Variants in AHSA1 observed in about 807,000 individuals in gnomAD.
AHSA1 encodes the protein activator of 90 kDa heat shock protein ATPase homolog 1.
Under a neutral mutation model 46.1 loss-of-function variants are expected in AHSA1, and 14 were observed. The ratio of observed to expected loss-of-function variants is 0.30; its 90% CI spans 0.20 to 0.47. AHSA1 has a LOEUF of 0.47. AHSA1 is among the 20% of genes least tolerant of loss of function. AHSA1 has a pLI of 0.99. For missense variants in AHSA1, 333 were observed against 415.9 expected, an observed-to-expected ratio of 0.80 and a Z score of 1.73; for synonymous variants, 147 against 145.8, an observed-to-expected ratio of 1.01 and a Z score of -0.06.
intron 3 of AHSA1, 40 bp from the exon 4 acceptor site, chr14:77,462,602 C>G (rs950646802): frequency 6.3e-7 from 1 of 1,587,958 alleles, no homozygotes; most frequent in Non-Finnish European, 8.6e-7. Flanking sequence ...TGAGGGTGCC[C>G]CTCAAGTTAT....
At chr14:77,464,390 TAATC>T (rs2079039175) in intron 4 of AHSA1, among the ~76,000 whole-genome samples, 1 of 151,994 alleles carries the variant, frequency 6.6e-6, no homozygotes, top group Non-Finnish European at 1.5e-5. Context: ...AAAATAATAA[TAATC>T]CCAGTGAACA....
In AHSA1 at chr14:77,468,893, A is replaced by G. The variant is rs374685991; in HGVS notation, c.845-184A>G. On this transcript the variant is annotated intron_variant, in intron 8 of 8. Coordinates refer to ENST00000216479, the MANE Select transcript of AHSA1 (RefSeq NM_012111.3). ...CACCACGCCCACGTAATTTTAGTAG[A>G]GATGGAGTTTCACCATGTTAGCCAG... 0.011 allele frequency: 6,874 copies of G among 638,916 alleles called. 378 individuals carry two copies. The African/African-American group carries it at 0.11, about 11-fold the overall frequency. The allele number at this position is 638,916 out of a possible 1,614,324, so 39.6% of individuals were successfully genotyped here.
At chr14:77,462,385 T>C (rs2079029447) in intron 3 of AHSA1, 143 bp downstream of exon 3, 2 of 840,938 alleles carry the variant, frequency 2.4e-6, no homozygotes, top group Non-Finnish European at 1.9e-6. Context: ...TCTAGGCATA[T>C]GGTGCCATTG....
chr14:77,459,866 C>G (rs2079014128), intron 2 of AHSA1, 60 bp downstream of exon 2: 6 of 1,576,994 alleles, frequency 3.8e-6, no homozygotes, highest in Non-Finnish European at 5.2e-6. Flanking sequence ...TGTTAAGTAG[C>G]TGGAGAGAAC....
chr14:77,462,875 G>T, intron 4 of AHSA1, 116 bp downstream of exon 4: 2 of 840,056 alleles, frequency 2.4e-6, no homozygotes, highest in Non-Finnish European at 4.0e-6. Flanking sequence ...GGGGGAGGGG[G>T]CTTATTTCAT....
At chr14:77,464,420 C>T (rs2079039309) in intron 4 of AHSA1, among the ~76,000 whole-genome samples, 178 bp from the exon 5 acceptor site, 1 of 152,150 alleles carries the variant, frequency 6.6e-6, no homozygotes, top group East Asian at 1.9e-4. Flanking sequence ...TATTCTATAG[C>T]ATATACCCAG....
In AHSA1 at chr14:77,465,539, G is replaced by T. The variant is rs1190073142; in HGVS notation, c.562G>T (p.Ala188Ser). ...ATCATTTTCACTGCCACCTTCACAG[G>T]CTAAGCCTGCTCCTTCAAAAACCCA... The part of the protein sequence containing the change: ...QPALKTEERK[A>S]KPAPSKTQAR... The change falls in exon 6 of 9, where the codon GCT becomes TCT. Residue 188 changes from alanine (A) to serine (S), a missense_variant and splice_region_variant. By Grantham distance (99) the Ala-to-Ser change is moderately conservative. Coordinates refer to ENST00000216479, the MANE Select transcript of AHSA1 (RefSeq NM_012111.3). 6.2e-7 allele frequency: 1 copy of T among 1,613,614 alleles called. No homozygotes were observed. The highest frequency in any genetic ancestry group is 1.1e-5 in the South Asian group (1 of 91,074).
rs114102343 is a variant in AHSA1, at chr14:77,465,734, A to G, written c.690+67A>G. The G allele has an allele frequency of 2.3e-3, 3,561 of 1,555,840 alleles. 79 individuals are homozygous for G. The African/African-American group carries it at 0.043, about 19-fold the overall frequency. ...TCTAGGTGACTTGAGTTGGGGGCAT[A>G]TCCCTTCAGCAGTGTACAGAAGAGG... On this transcript the variant is annotated intron_variant, in intron 6 of 8. Transcript: ENST00000216479.
chr14:77,459,565 A>G (rs2079011989), intron 1 of AHSA1, 51 bp from the exon 2 acceptor site: 1 of 1,584,780 alleles, frequency 6.3e-7, no homozygotes, highest in African/African-American at 1.3e-5. Flanking sequence ...TGCATAGAGC[A>G]GCGTATCCTC....
At chr14:77,468,721 CTT>C (rs572116649) in intron 8 of AHSA1, 21,982 of 220,914 alleles carry the variant, frequency 0.1, 65 homozygotes, top group Middle Eastern at 0.13. Flanking sequence ...ACCATGCCAG[CTT>C]TTTTTTTTTT....
intron 2 of AHSA1, among the ~76,000 whole-genome samples, chr14:77,461,809 G>A (rs1426985366): frequency 6.6e-6 from 1 of 152,232 alleles, no homozygotes; most frequent in Middle Eastern, 3.4e-3. Flanking sequence ...TAATCAAATT[G>A]TTCCCTAATA....
At chr14:77,459,946 G>C in intron 2 of AHSA1, 140 bp downstream of exon 2, 1 of 894,706 alleles carries the variant, frequency 1.1e-6, no homozygotes, top group Non-Finnish European at 1.7e-6. Flanking sequence ...ATGTAAAGCA[G>C]TATCGAGTCC....
chr14:77,458,084 G>T (rs2078993505), upstream of AHSA1: 2 of 1,014,204 alleles, frequency 2.0e-6, no homozygotes, highest in Admixed American at 3.8e-5. Context: ...GGTGCTTGCG[G>T]CCGCTTCTAG....
rs1237475151 is a variant in AHSA1, at chr14:77,464,523, T to A, written c.473-75T>A. ...CATTCTGTGGTAGGATGGCTGTGTT[T>A]GTCAAGCTGTAATGAAACTCCAGAT... On this transcript the variant is annotated intron_variant, in intron 4 of 8. Transcript: ENST00000216479. The A allele has an allele frequency of 4.0e-6, 5 of 1,265,222 alleles. No individual in the cohort carries two copies. The Admixed American group carries it at 8.1e-5, about 20-fold the overall frequency. 78.4% of individuals were successfully genotyped at this position (1,265,222 alleles called of 1,614,324 possible). A position where few individuals can be genotyped will look rare whatever the true frequency, so the allele number is the denominator to read the frequency against.
At chr14:77,458,685 TAA>T (rs762319390) in intron 1 of AHSA1, among the ~76,000 whole-genome samples, 2 of 152,148 alleles carry the variant, frequency 1.3e-5, no homozygotes, top group Admixed American at 6.5e-5. Context: ...GCGGTAAAAT[TAA>T]AAGTCATTCA....
In AHSA1 at chr14:77,463,600, C is replaced by CA. The variant is rs869114214; in HGVS notation, c.472+851dup. 3.6e-3 allele frequency among the ~76,000 whole-genome samples: 180 copies of CA among 49,628 alleles called. 3 individuals carry two copies. The highest frequency in any genetic ancestry group is 6.4e-3 in the African/African-American group (160 of 25,150). 32.6% of individuals were successfully genotyped at this position (49,628 alleles called of 152,430 possible). On this transcript the variant is annotated intron_variant, in intron 4 of 8. Coordinates refer to ENST00000216479, the MANE Select transcript of AHSA1 (RefSeq NM_012111.3). ...GACTCCATCTCAAAAAAAAAAAAAACAAAAAAAAAACTGTATTTGAGGCTC... is the reference window on the plus strand; with the variant it reads ...GACTCCATCTCAAAAAAAAAAAAAACAAAAAAAAAAACTGTATTTGAGGCTC...
In AHSA1 at chr14:77,468,151, A is replaced by G; in HGVS notation, c.759A>G (p.Val253=). The G allele has an allele frequency of 6.4e-7, 1 of 1,559,792 alleles. No homozygotes were observed. Among genetic ancestry groups the G allele is most frequent in the South Asian group, 1.2e-5 (1 of 84,790 alleles). Residue 253 remains valine (V), a synonymous_variant, in exon 7 of 9, where the codon GTA becomes GTG. Transcript: ENST00000216479. ...EADRGGKFHM[V]DGNVSGEFTD... ...ACAGAGGTGGAAAGTTCCACATGGT[A>G]GATGGCAACGTCTCTGGGGAATTTA...
At chr14:77,468,981 T>G (rs767228083) in intron 8 of AHSA1, 96 bp from the exon 9 acceptor site, 1 of 1,421,116 alleles carries the variant, frequency 7.0e-7, no homozygotes, top group Non-Finnish European at 9.8e-7. Flanking sequence ...GTGCTGGGAT[T>G]ACAGGTGTGA....
rs12589602 is a variant in AHSA1, at chr14:77,460,986, C to T, written c.272-1174C>T. On this transcript the variant is annotated intron_variant, in intron 2 of 8. Transcript: ENST00000216479. ...CATCCTGGCTGACACAGTGAAACCCCGTCTCTACTAAAAATACAAAAAATT... is the reference window on the plus strand; with the variant it reads ...CATCCTGGCTGACACAGTGAAACCCTGTCTCTACTAAAAATACAAAAAATT... 2.5e-3 allele frequency among the ~76,000 whole-genome samples: 370 copies of T among 148,050 alleles called. 13 individuals are homozygous for T. In the East Asian group the frequency reaches 0.058, roughly 23 times the overall value.
Sources: allele counts gnomAD v4.1 joint callset (sites outside exome capture counted in the v4.1 genomes callset), GRCh38; gene constraint gnomAD v4.1.1; transcripts MANE v1.5; gene names NCBI Gene and HGNC (gene_info 2026-07-23, HGNC 2026-07-21).